GSDMA: variants seen among roughly 807,000 people sequenced by gnomAD.
GSDMA encodes the protein gasdermin-A.
GSDMA carries 55 observed loss-of-function variants against 54.3 expected under a neutral mutation model. The ratio of observed to expected loss-of-function variants is 1.01; its 90% confidence interval spans 0.82 to 1.27. The LOEUF is 1.27. Ranked by LOEUF, GSDMA falls within the 50% of genes most tolerant of loss-of-function variation. The pLI, the probability that GSDMA is intolerant of heterozygous loss-of-function variation, is 0.00. For missense variants in GSDMA, 542 were observed against 542.6 expected (o/e 1.00, Z 0.01); for synonymous variants, 211 against 224.7 (o/e 0.94, Z 0.54).
chr17:39,968,211 T>C (rs185783899), intron 3 of GSDMA, among the ~76,000 whole-genome samples: 135 of 151,892 alleles, frequency 8.9e-4, no homozygotes, highest in Admixed American at 2.8e-3. Flanking sequence ...GGCTAATTTT[T>C]GTATTATTAG....
intron 7 of GSDMA, among the ~76,000 whole-genome samples, 173 bp downstream of exon 7, chr17:39,972,786 G>C (rs1342956766): frequency 2.0e-4 from 1 of 5,018 alleles, no homozygotes; most frequent in Non-Finnish European, 4.8e-4. Flanking sequence ...GCAGTGGAAA[G>C]GGGGGAGTCT....
rs780483472 is a variant in GSDMA, at chr17:39,976,965, C to A, written c.1245C>A (p.Gly415=). 2 of 1,613,944 alleles carry A rather than the reference C, an allele frequency of 1.2e-6. No individual in the cohort carries two copies. The highest frequency in any genetic ancestry group is 2.7e-5 in the African/African-American group (2 of 75,018). Residue 415 remains glycine, a synonymous_variant, in exon 12 of 12, where the codon GGC becomes GGA. Transcript: ENST00000301659. ...GTGGCCTGGAAGTGCAGAGATCGGGCCCCCAATATATGTGGGACCCAGACA... is the reference window on the plus strand; with the variant it reads ...GTGGCCTGGAAGTGCAGAGATCGGGACCCCAATATATGTGGGACCCAGACA... ...GLSGLEVQRS[G]PQYMWDPDTL...
chr17:39,971,417 TC>T, intron 4 of GSDMA, 106 bp from the exon 5 acceptor site: 1 of 750,492 alleles, frequency 1.3e-6, no homozygotes, highest in South Asian at 1.6e-5. Flanking sequence ...GCTTCTTATC[TC>T]CCTGAAGGCT....
Position 39,966,337 on chromosome 17 carries a change from A to G in GSDMA, c.292A>G (p.Thr98Ala). The G allele has an allele frequency of 6.2e-7, 1 of 1,613,930 alleles. No individual in the cohort carries two copies. Among genetic ancestry groups the G allele is most frequent in the African/African-American group, 1.3e-5 (1 of 75,032 alleles). The part of the protein sequence containing the change: ...RVEGDVDVPK[T>A]VKVKGTAGLS... ...GGAGGGAGATGTGGATGTACCAAAG[A>G]CGGTGAAGGTGAAGGGAACGGCAGG... Residue 98 changes from threonine (T) to alanine (A), a missense_variant, in exon 3 of 12, where the codon ACG (threonine) becomes GCG (alanine). Coordinates refer to ENST00000301659, the MANE Select transcript of GSDMA (RefSeq NM_178171.5).
intron 1 of GSDMA, among the ~76,000 whole-genome samples, chr17:39,963,295 A>G (rs3902024): frequency 0.7 from 105,116 of 151,104 alleles, 37,208 homozygotes; most frequent in African/African-American, 0.81. Context: ...GCACCCAGGT[A>G]GCACCAGGAG....
chr17:39,969,861 A>C (rs1979849120), intron 3 of GSDMA, among the ~76,000 whole-genome samples: 1 of 148,100 alleles, frequency 6.8e-6, no homozygotes, highest in African/African-American at 2.5e-5. Context: ...CCGTCTCAAA[A>C]AAAAAAAGAA....
chr17:39,976,280 T>A (rs1439245392), intron 11 of GSDMA, among the ~76,000 whole-genome samples: 1 of 44,168 alleles, frequency 2.3e-5, no homozygotes, highest in East Asian at 6.9e-4. Flanking sequence ...AAGCAAATTT[T>A]TTTTTTTTTT....
intron 3 of GSDMA, among the ~76,000 whole-genome samples, chr17:39,968,434 G>A (rs1598303582): frequency 7.4e-6 from 1 of 134,974 alleles, no homozygotes; most frequent in African/African-American, 2.7e-5. Flanking sequence ...TGCAACCTCC[G>A]CTTCCCAGGT....
rs773703825 is a variant in GSDMA at position 39,975,979 on chromosome 17, A to G, written c.1077A>G (p.Leu359=). The part of the protein sequence containing the change: ...LLVKSMEKKI[L]PVQLKLVEST... Reference sequence around the variant, plus strand: ...TGAAATCCATGGAGAAAAAGATCCTACCCGTGCAGCTAAAGCTGGTGAGGG... The same window carrying G: ...TGAAATCCATGGAGAAAAAGATCCTGCCCGTGCAGCTAAAGCTGGTGAGGG... The change falls in exon 11 of 12, where the codon CTA becomes CTG. Residue 359 remains leucine, a synonymous_variant. Coordinates refer to ENST00000301659, the MANE Select transcript of GSDMA (RefSeq NM_178171.5). The G allele has an allele frequency of 2.5e-6, 4 of 1,597,032 alleles. No homozygotes were observed. Among genetic ancestry groups the G allele is most frequent in the Admixed American group, 3.5e-5 (2 of 57,420 alleles).
chr17:39,963,696 A>G (rs952336179), intron 1 of GSDMA, among the ~76,000 whole-genome samples: 4 of 152,070 alleles, frequency 2.6e-5, no homozygotes, highest in African/African-American at 7.2e-5. Context: ...TCTACTAAAA[A>G]CACAAAAATT....
At chr17:39,966,459 G>T (rs367752262) in intron 3 of GSDMA, 22 bp downstream of exon 3, 2 of 1,570,010 alleles carry the variant, frequency 1.3e-6, no homozygotes, top group Admixed American at 2.0e-5. Flanking sequence ...CGGGACTGAG[G>T]GTCTCCCGGG....
chr17:39,968,934 G>A (rs2144788597), intron 3 of GSDMA, among the ~76,000 whole-genome samples: 1 of 152,276 alleles, frequency 6.6e-6, no homozygotes, highest in South Asian at 2.1e-4. Flanking sequence ...CCTTTTGGAT[G>A]TTTTGAGTTT....
rs7212938 is a variant in GSDMA, at chr17:39,966,427, G to A, written c.382G>A (p.Val128Met). Residue 128 changes from valine (V) to methionine (M), a missense_variant, in exon 3 of 12, where the codon GTG becomes ATG. Val to Met is a conservative substitution (Grantham distance 21). Transcript: ENST00000301659. ...LSVAPKALET[V>M]QERKLAADHP... ...TGTGGCTCCCAAGGCCCTGGAGACC[G>A]TGCAGGAGAGGTGAGAGTGGGCGGG... The A allele has an allele frequency of 8.4e-5, 135 of 1,603,292 alleles. No individual in the cohort carries two copies. In the East Asian group the frequency reaches 2.6e-3, roughly 31 times the overall value.
At chr17:39,970,679 ACACACT>A (rs1457915741) in intron 4 of GSDMA, 32 bp downstream of exon 4, 3 of 560,318 alleles carry the variant, frequency 5.4e-6, no homozygotes, top group African/African-American at 2.1e-5. Flanking sequence ...ACACACACAC[ACACACT>A]CTCACACTCA....
At chr17:39,969,362 A>C (rs1281729765) in intron 3 of GSDMA, among the ~76,000 whole-genome samples, 2 of 151,716 alleles carry the variant, frequency 1.3e-5, no homozygotes, top group African/African-American at 4.8e-5. Flanking sequence ...AAAAAAAAGA[A>C]AAAACTATAG....
chr17:39,974,157 G>A, intron 8 of GSDMA, 116 bp from the exon 9 acceptor site: 1 of 1,095,412 alleles, frequency 9.1e-7, no homozygotes, highest in South Asian at 1.7e-5. Flanking sequence ...GCTCAAACTG[G>A]GGGGTAGAGC....
intron 7 of GSDMA, among the ~76,000 whole-genome samples, chr17:39,973,283 T>TC (rs1980044111): frequency 6.7e-6 from 1 of 148,538 alleles, no homozygotes; most frequent in Non-Finnish European, 1.5e-5. Flanking sequence ...TTTTTTTTTT[T>TC]TCTTGAGACA....
chr17:39,973,010 T>C (rs1188673306), intron 7 of GSDMA, among the ~76,000 whole-genome samples: 1 of 152,122 alleles, frequency 6.6e-6, no homozygotes, highest in East Asian at 1.9e-4. Context: ...TCACTCTTGT[T>C]GCCCAGGCTG....
Position 39,974,422 on chromosome 17 carries a change from C to G in GSDMA, c.901C>G (p.Leu301Val). 1 of 1,578,072 alleles carries G rather than the reference C, an allele frequency of 6.3e-7. No individual in the cohort carries two copies. Among genetic ancestry groups the G allele is most frequent in the Non-Finnish European group, 8.6e-7 (1 of 1,162,212 alleles). Residue 301 changes from leucine to valine, a missense_variant, in exon 9 of 12, where the codon CTC becomes GTC. By Grantham distance (32) the Leu-to-Val change is conservative. Transcript: ENST00000301659. ...GKKKELQDLE[L>V]ALEGALDKGH... ...GAAAAAGGAGCTACAAGACCTTGAGCTCGCAGTGAGGACCTAGTGGAAGTG... is the reference window on the plus strand; with the variant it reads ...GAAAAAGGAGCTACAAGACCTTGAGGTCGCAGTGAGGACCTAGTGGAAGTG...
Sources: gnomAD v4.1 joint callset for allele counts (sites outside exome capture counted in the v4.1 genomes callset) on GRCh38, gnomAD v4.1.1 for gene constraint, MANE v1.5 for transcripts, NCBI Gene and HGNC (gene_info 2026-07-23, HGNC 2026-07-21) for gene names.